Variants in SMYD3 observed in about 807,000 individuals in gnomAD.
SMYD3 encodes the protein SET and MYND domain containing 3.
Under a neutral mutation model 57.7 loss-of-function variants are expected in SMYD3, and 36 were observed. The observed-to-expected ratio is 0.62, with a 90% CI of 0.48 to 0.82. The LOEUF (loss-of-function observed/expected upper bound fraction) is 0.82, where lower values mean the gene tolerates loss of function less well. SMYD3 is among the 40% of genes least tolerant of loss of function. SMYD3 has a pLI of 0.00. For synonymous variants in SMYD3, 211 were observed against 195.0 expected, an observed-to-expected ratio of 1.08 and a Z score of -0.68; for missense variants, 515 against 538.8, an observed-to-expected ratio of 0.96 and a Z score of 0.44.
intron 10 of SMYD3, among the ~76,000 whole-genome samples, chr1:245,834,113 G>A (rs921993470): frequency 6.6e-6 from 1 of 152,130 alleles, no homozygotes; most frequent in Non-Finnish European, 1.5e-5. Context: ...ATGAATAGAG[G>A]GGAAGGAACA....
intron 5 of SMYD3, among the ~76,000 whole-genome samples, chr1:246,318,590 A>G (rs2065200641): frequency 6.6e-6 from 1 of 152,220 alleles, no homozygotes; most frequent in Admixed American, 6.5e-5. Flanking sequence ...ACAGTATTCC[A>G]GTAGATTGTT....
chr1:245,870,434 C>T (rs9727381), intron 8 of SMYD3, among the ~76,000 whole-genome samples: 7,938 of 152,164 alleles, frequency 0.052, 695 homozygotes, highest in African/African-American at 0.18. Flanking sequence ...GCTCGCTTAC[C>T]TCTCCTGGCT....
At chr1:246,144,967 C>T (rs1422096116) in intron 5 of SMYD3, among the ~76,000 whole-genome samples, 2 of 152,194 alleles carry the variant, frequency 1.3e-5, no homozygotes, top group African/African-American at 4.8e-5. Context: ...ACGAAAGCAT[C>T]CTAATAGTTT....
At chr1:246,031,794 A>G (rs1269483180) in intron 5 of SMYD3, among the ~76,000 whole-genome samples, 1 of 152,080 alleles carries the variant, frequency 6.6e-6, no homozygotes, top group Non-Finnish European at 1.5e-5. Context: ...ACTGCTATGA[A>G]GATAAAATTA....
At chr1:246,138,847 A>G (rs1297948437) in intron 5 of SMYD3, among the ~76,000 whole-genome samples, 1 of 152,176 alleles carries the variant, frequency 6.6e-6, no homozygotes, top group Non-Finnish European at 1.5e-5. Context: ...CAAGTTTGCT[A>G]GACATAATCT....
chr1:246,102,361 C>T (rs1174336591), intron 5 of SMYD3, among the ~76,000 whole-genome samples: 1 of 152,178 alleles, frequency 6.6e-6, no homozygotes, highest in Non-Finnish European at 1.5e-5. Flanking sequence ...CCCTTCTTCT[C>T]TACATCTCAG....
At chr1:246,379,450 T>C (rs917546942) in intron 1 of SMYD3, among the ~76,000 whole-genome samples, 3 of 152,166 alleles carry the variant, frequency 2.0e-5, no homozygotes, top group Admixed American at 6.5e-5. Context: ...CAGCTTAGCC[T>C]TTCTAGAAAA....
At chr1:245,770,153 T>C (rs2046278795) in intron 10 of SMYD3, among the ~76,000 whole-genome samples, 1 of 152,190 alleles carries the variant, frequency 6.6e-6, no homozygotes, top group Non-Finnish European at 1.5e-5. Flanking sequence ...TTTTTAAGAA[T>C]CTGTTTGAAG....
intron 2 of SMYD3, among the ~76,000 whole-genome samples, chr1:246,340,759 A>T (rs959135040): frequency 1.4e-4 from 22 of 152,290 alleles, no homozygotes; most frequent in Admixed American, 7.2e-4. Flanking sequence ...AAATAAATTT[A>T]AGAATGTTCC....
intron 2 of SMYD3, among the ~76,000 whole-genome samples, 189 bp from the exon 3 acceptor site, chr1:246,335,663 T>C (rs2148672937): frequency 6.6e-6 from 1 of 152,330 alleles, no homozygotes; most frequent in East Asian, 1.9e-4. Flanking sequence ...ATGCAATTAC[T>C]ATGCAAGGAC....
At chr1:245,906,134 T>G (rs1227031986) in intron 8 of SMYD3, among the ~76,000 whole-genome samples, 1 of 151,980 alleles carries the variant, frequency 6.6e-6, no homozygotes, top group Non-Finnish European at 1.5e-5. Flanking sequence ...AAAGAAAACA[T>G]GGACAAATGG....
chr1:245,897,870 G>A (rs1209554830), intron 8 of SMYD3, among the ~76,000 whole-genome samples: 1 of 151,776 alleles, frequency 6.6e-6, no homozygotes, highest in Non-Finnish European at 1.5e-5. Flanking sequence ...CTGCACTGCA[G>A]CCTAGAAGAC....
intron 5 of SMYD3, among the ~76,000 whole-genome samples, chr1:246,141,356 G>A (rs1256483613): frequency 6.6e-6 from 1 of 152,154 alleles, no homozygotes; most frequent in African/African-American, 2.4e-5. Flanking sequence ...TGAACAGGGC[G>A]ACAGGATACA....
chr1:245,972,031 C>T (rs2058315621), intron 5 of SMYD3, among the ~76,000 whole-genome samples: 1 of 152,140 alleles, frequency 6.6e-6, no homozygotes, highest in Non-Finnish European at 1.5e-5. Context: ...TCGGGCACCA[C>T]TGATGCCTCA....
chr1:246,488,709 T>G (rs549297571), intron 1 of SMYD3, among the ~76,000 whole-genome samples: 1 of 151,996 alleles, frequency 6.6e-6, no homozygotes, highest in Non-Finnish European at 1.5e-5. Context: ...AAAATAGAGA[T>G]TTTAAGCAGG....
At chr1:245,923,199 G>A (rs1400201108) in intron 7 of SMYD3, among the ~76,000 whole-genome samples, 1 of 152,030 alleles carries the variant, frequency 6.6e-6, no homozygotes, top group African/African-American at 2.4e-5. Context: ...TCTAACTCAG[G>A]GGTTAGAATT....
At chr1:246,094,207 C>T (rs1022546302) in intron 5 of SMYD3, among the ~76,000 whole-genome samples, 1 of 152,000 alleles carries the variant, frequency 6.6e-6, no homozygotes. Context: ...AAAACACTAC[C>T]ATGAGGGCTG....
At chr1:246,407,691 A>C (rs1381679789) in intron 1 of SMYD3, among the ~76,000 whole-genome samples, 4 of 151,922 alleles carry the variant, frequency 2.6e-5, no homozygotes, top group Non-Finnish European at 4.4e-5. Flanking sequence ...CAAATACAAA[A>C]ATTAGCCAGG....
intron 5 of SMYD3, among the ~76,000 whole-genome samples, chr1:246,245,450 A>G (rs1268272737): frequency 1.3e-5 from 2 of 152,154 alleles, no homozygotes; most frequent in African/African-American, 4.8e-5. Context: ...CTCCAAAAAC[A>G]AACAAACAAA....
Sources: allele counts gnomAD v4.1 joint callset (sites outside exome capture counted in the v4.1 genomes callset), GRCh38; gene constraint gnomAD v4.1.1; transcripts MANE v1.5; gene names NCBI Gene and HGNC (gene_info 2026-07-23, HGNC 2026-07-21).